The following EI24 variants were observed in gnomAD, a reference collection of about 807,000 sequenced individuals.
EI24 encodes etoposide-induced protein 2.4 homolog.
A neutral mutation model predicts 48.6 loss-of-function variants in EI24; 21 were observed. The ratio of observed to expected loss-of-function variants is 0.43; its 90% CI spans 0.31 to 0.62. The LOEUF is 0.62. Ranked by LOEUF, EI24 falls within the 20% of genes least tolerant of loss-of-function variation. The probability of loss-of-function intolerance (pLI) is 0.10; values close to 1 mark genes in which losing one functional copy is unlikely to be tolerated. For missense variants in EI24, 280 were observed against 410.5 expected, an observed-to-expected ratio of 0.68 and a Z score of 2.75; for synonymous variants, 114 against 145.5, an observed-to-expected ratio of 0.78 and a Z score of 1.56.
chr11:125,571,486 C>T (rs572881611), intron 1 of EI24, among the ~76,000 whole-genome samples: 9 of 152,334 alleles, frequency 5.9e-5, no homozygotes, highest in Admixed American at 5.2e-4. Flanking sequence ...GTTTTAAAGA[C>T]TGTTTATACA....
Position 125,575,367 on chromosome 11 carries a change from G to A in EI24, c.147G>A (p.Leu49=). Residue 49 remains leucine (L), a synonymous_variant, in exon 3 of 11, where the codon TTG becomes TTA. Transcript: ENST00000278903. The part of the protein sequence containing the change: ...EQRRRRASSV[L]AQRRAQSIER... The stretch of plus-strand genomic sequence containing the variant: ...GTCGAAGAAGGGCAAGTAGTGTCTT[G>A]GCACAGAGAAGAGCCCAGAGTATAG... 1 of 1,592,560 alleles carries A rather than the reference G, an allele frequency of 6.3e-7. No homozygotes were observed. The highest frequency in any genetic ancestry group is 8.6e-7 in the Non-Finnish European group (1 of 1,169,510).
At chr11:125,582,177 G>A (rs930787780) in intron 9 of EI24, among the ~76,000 whole-genome samples, 169 bp from the exon 10 acceptor site, 4 of 151,412 alleles carry the variant, frequency 2.6e-5, no homozygotes, top group Non-Finnish European at 5.9e-5. Flanking sequence ...CAGCCTGGGC[G>A]ACAAGAACGC....
intron 2 of EI24, chr11:125,573,592 A>C: frequency 4.2e-6 from 1 of 238,146 alleles, no homozygotes; most frequent in South Asian, 4.3e-5. Flanking sequence ...AGGGCAAGAA[A>C]GTAAAAAGGT....
chr11:125,581,537 CT>C (rs33956827), intron 9 of EI24, among the ~76,000 whole-genome samples: 2,356 of 50,396 alleles, frequency 0.047, 6 homozygotes, highest in Non-Finnish European at 0.054. Context: ...AGCAATTATT[CT>C]TTTTTTTTTT....
At chr11:125,571,161 GGTCGGGGAAA>G (rs2135845484) in intron 1 of EI24, among the ~76,000 whole-genome samples, 1 of 152,326 alleles carries the variant, frequency 6.6e-6, no homozygotes, top group East Asian at 1.9e-4. Flanking sequence ...AGTGGTTAAA[GGTCGGGGAAA>G]GTGTGCTTAT....
intron 10 of EI24, 144 bp from the exon 11 acceptor site, chr11:125,583,376 TG>T: frequency 1.5e-6 from 1 of 679,402 alleles, no homozygotes; most frequent in Non-Finnish European, 2.4e-6. Context: ...GTTCCATCCA[TG>T]TATCTAATAT....
At chr11:125,574,149 A>T (rs1431687063) in intron 2 of EI24, among the ~76,000 whole-genome samples, 1 of 152,022 alleles carries the variant, frequency 6.6e-6, no homozygotes, top group Non-Finnish European at 1.5e-5. Context: ...GCTACTCAGG[A>T]GGCTGAGGCA....
chr11:125,581,263 C>T lies in EI24; in HGVS notation c.726C>T (p.Tyr242=). ...LSNIERNWPY[Y]FGFGLPLAFL... ...ACATAGAAAGGAATTGGCCTTACTA[C>T]TTTGGGTTTGGTTTGCCCTTGGCTT... is the stretch of plus-strand genomic sequence containing the variant. Residue 242 remains tyrosine, a synonymous_variant, in exon 9 of 11, where the codon TAC becomes TAT. Transcript: ENST00000278903. 6.2e-7 allele frequency: 1 copy of T among 1,612,062 alleles called. No individual in the cohort carries two copies. Among genetic ancestry groups the T allele is most frequent in the African/African-American group, 1.3e-5 (1 of 74,944 alleles).
At chr11:125,580,237 G>C (rs1938937641) in intron 8 of EI24, 33 bp downstream of exon 8, 10 of 1,491,634 alleles carry the variant, frequency 6.7e-6, no homozygotes, top group Non-Finnish European at 8.4e-6. Context: ...AGAAAATGGA[G>C]GCCCAGTTTG....
Position 125,578,161 on chromosome 11 carries a change from G to T in EI24, c.345G>T (p.Trp115Cys). Residue 115 changes from tryptophan to cysteine, a missense_variant, in exon 6 of 11, where the codon TGG (tryptophan) becomes TGT (cysteine). Transcript: ENST00000278903. ...IGDPSLHGDV[W>C]SWLEFFLTSI... ...ACCCATCACTACATGGAGATGTTTG[G>T]TCGTGGCTGGAATTCTTCCTCACGT... 1 of 1,613,588 alleles carries T rather than the reference G, an allele frequency of 6.2e-7. No individual in the cohort carries two copies. The highest frequency in any genetic ancestry group is 8.5e-7 in the Non-Finnish European group (1 of 1,179,880).
intron 8 of EI24, chr11:125,580,630 T>G (rs1938952556): frequency 1.3e-5 from 2 of 158,342 alleles, no homozygotes; most frequent in Admixed American, 6.1e-5. Flanking sequence ...CTTGCTTAGT[T>G]CCAGACTAAT....
chr11:125,572,492 T>G lies in EI24; in HGVS notation c.-36T>G. 1 of 1,607,232 alleles carries G rather than the reference T, an allele frequency of 6.2e-7. No individual in the cohort carries two copies. The highest frequency in any genetic ancestry group is 1.1e-5 in the South Asian group (1 of 90,730). On this transcript the variant is annotated 5_prime_UTR_variant, in exon 2 of 11. Transcript: ENST00000278903. ...GATGAGAGATTTGGGGACACTTCTC[T>G]CTCCTGTGTGTAGTTGATAGTTTGG... is the stretch of plus-strand genomic sequence containing the variant.
At position 125,579,899 on chromosome 11, in the gene EI24, A is replaced by C. The variant is rs555913017; in HGVS notation, c.562-194A>C. Among the ~76,000 whole-genome samples, 44 of 152,166 alleles carry C rather than the reference A, an allele frequency of 2.9e-4. No homozygotes were observed. The South Asian group carries it at 8.3e-3, about 29-fold the overall frequency. ...GTCTGGTCTTTAACTCTTGGCCTCAAGAGATCCTCCCGCCTCATCCTCCCA... is the reference window on the plus strand; with the variant it reads ...GTCTGGTCTTTAACTCTTGGCCTCACGAGATCCTCCCGCCTCATCCTCCCA... On this transcript the variant is annotated intron_variant, in intron 7 of 10. Coordinates refer to ENST00000278903, the MANE Select transcript of EI24 (RefSeq NM_004879.5).
At position 125,578,163 on chromosome 11, in the gene EI24, C is replaced by T. The variant is rs534625909; in HGVS notation, c.347C>T (p.Ser116Leu). ...GDPSLHGDVWSWLEFFLTSIF... is the reference protein window; with the variant it reads ...GDPSLHGDVWLWLEFFLTSIF... ...CCATCACTACATGGAGATGTTTGGTCGTGGCTGGAATTCTTCCTCACGTCA... is the reference window on the plus strand; with the variant it reads ...CCATCACTACATGGAGATGTTTGGTTGTGGCTGGAATTCTTCCTCACGTCA... The change falls in exon 6 of 11, where the codon TCG (serine) becomes TTG (leucine). Residue 116 changes from serine (S) to leucine (L), a missense_variant. By Grantham distance (145) the Ser-to-Leu change is moderately radical. This residue lies in a region of EI24 where 204 missense variants were observed against 294.1 expected (regional missense o/e 0.69). Coordinates refer to ENST00000278903, the MANE Select transcript of EI24 (RefSeq NM_004879.5). The T allele has an allele frequency of 3.8e-5, 62 of 1,613,654 alleles. No homozygotes were observed. In the South Asian group the frequency reaches 5.4e-4, roughly 14 times the overall value.
chr11:125,578,365 C>A, intron 6 of EI24, 108 bp downstream of exon 6: 1 of 1,448,460 alleles, frequency 6.9e-7, no homozygotes, highest in South Asian at 1.2e-5. Context: ...TGTTTTTCAG[C>A]CTTAATGTTT....
intron 1 of EI24, 165 bp downstream of exon 1, chr11:125,569,738 C>T: frequency 3.2e-6 from 1 of 313,426 alleles, no homozygotes; most frequent in Non-Finnish European, 5.8e-6. Context: ...CCGGGCACAT[C>T]CCCGGGCGAG....
intron 1 of EI24, among the ~76,000 whole-genome samples, chr11:125,570,685 G>T (rs1045539664): frequency 6.6e-6 from 1 of 152,192 alleles, no homozygotes; most frequent in African/African-American, 2.4e-5. Context: ...CTTTGGTGGG[G>T]TTGTGTTTAT....
Position 125,584,040 on chromosome 11 carries a change from T to A in EI24, c.*357T>A. ...CATCCTGCCTTCTACCACCCTTGGA[T>A]GAATGGATTTTGTAATTCTAGCTGT... On this transcript the variant is annotated 3_prime_UTR_variant, in exon 11 of 11. Coordinates refer to ENST00000278903, the MANE Select transcript of EI24 (RefSeq NM_004879.5). 1 of 231,136 alleles carries A rather than the reference T, an allele frequency of 4.3e-6. No homozygotes were observed. The highest frequency in any genetic ancestry group is 8.7e-6 in the Non-Finnish European group (1 of 115,238). The allele number at this position is 231,136 out of a possible 1,614,324, so 14.3% of individuals were successfully genotyped here.
At chr11:125,573,487 T>A (rs962499656) in intron 2 of EI24, 1 of 354,474 alleles carries the variant, frequency 2.8e-6, no homozygotes, top group Non-Finnish European at 5.8e-6. Flanking sequence ...CTCACAGCTG[T>A]AATCTCAGCA....
Sources: allele counts gnomAD v4.1 joint callset (sites outside exome capture counted in the v4.1 genomes callset), GRCh38; gene constraint gnomAD v4.1.1; regional missense constraint gnomAD v4.1.1; transcripts MANE v1.5; gene names NCBI Gene and HGNC (gene_info 2026-07-23, HGNC 2026-07-21).